The following CDH23 variants were observed in gnomAD, a reference collection of about 807,000 sequenced individuals.
The protein encoded by CDH23 is cadherin related 23.
In CDH23, 189 loss-of-function variants were observed where a neutral mutation model predicts 317.1. That is an observed-to-expected ratio of 0.60 (90% CI 0.53 to 0.67). The LOEUF is 0.67. CDH23 is among the 30% of genes least tolerant of loss of function. CDH23 has a pLI of 0.00. For missense variants in CDH23, 4,401 were observed against 4,592.4 expected, an observed-to-expected ratio of 0.96 and a Z score of 1.20; for synonymous variants, 1,839 against 1,876.8, an observed-to-expected ratio of 0.98 and a Z score of 0.52.
chr10:71,426,195 CA>C (rs752046351), intron 1 of CDH23, among the ~76,000 whole-genome samples: 13 of 152,158 alleles, frequency 8.5e-5, no homozygotes, highest in Non-Finnish European at 1.5e-4. Flanking sequence ...GGCCCCTGAG[CA>C]AATGGTTTTG....
In CDH23 at chr10:71,759,979, A is replaced by G. The variant is rs1457416752; in HGVS notation, c.4846-17701A>G. 4.6e-5 allele frequency among the ~76,000 whole-genome samples: 4 copies of G among 86,352 alleles called. 1 individual carries two copies. Among genetic ancestry groups the G allele is most frequent in the African/African-American group, 7.0e-5 (2 of 28,408 alleles). The allele number at this position is 86,352 out of a possible 152,430, so 56.7% of individuals were successfully genotyped here. A position where few individuals can be genotyped will look rare whatever the true frequency, so the allele number is the denominator to read the frequency against. ...TACACACACATATATATACACACAC[A>G]CATATATATACACACACACATACAT... On this transcript the variant is annotated intron_variant, in intron 38 of 69. Transcript: ENST00000224721.
chr10:71,784,809 C>T (rs773508665), intron 42 of CDH23, 82 bp from the exon 43 acceptor site: 2 of 1,136,474 alleles, frequency 1.8e-6, no homozygotes, highest in East Asian at 4.8e-5. Context: ...CCATGCCGCC[C>T]TTGGCGAACC....
rs1410108291 is a variant in CDH23, at chr10:71,732,122, C to T, written c.3851C>T (p.Ser1284Leu). 3.7e-6 allele frequency: 6 copies of T among 1,613,890 alleles called. No individual in the cohort carries two copies. Among genetic ancestry groups the T allele is most frequent in the East Asian group, 2.2e-5 (1 of 44,896 alleles). ...AAGACCAGCTACATGATGAATGTGT[C>T]GGCCACTGACCAGGCCCCGCCCTTC... ...ETKTSYMMNV[S>L]ATDQAPPFNQ... The change falls in exon 32 of 70, where the codon TCG becomes TTG. Residue 1284 changes from serine to leucine, a missense_variant. Physicochemically the swap from Ser to Leu is moderately radical, Grantham distance 145. This residue lies in a region of CDH23 where 3,068 missense variants were observed against 3,203.3 expected (regional missense o/e 0.96). Coordinates refer to ENST00000224721, the MANE Select transcript of CDH23 (RefSeq NM_022124.6).
intron 28 of CDH23, among the ~76,000 whole-genome samples, chr10:71,720,420 AACACACAC>A (rs57346519): frequency 4.8e-5 from 7 of 145,750 alleles, no homozygotes; most frequent in South Asian, 2.2e-4. Context: ...CTCTTTCCAA[AACACACAC>A]ACACACACAC....
rs540139281 is a variant in CDH23, at chr10:71,815,206, C to A, written c.9993C>A (p.Ser3331=). ...TCGAGCGCAACGCCCGCACAGAATC[C>A]GCCAAATCCACACCCCTGCACAAAC... ...TAFERNARTE[S]AKSTPLHKLR... Residue 3331 remains serine, a synonymous_variant, in exon 70 of 70, where the codon TCC becomes TCA. Transcript: ENST00000224721. 11 of 1,605,830 alleles carry A rather than the reference C, an allele frequency of 6.9e-6. No homozygotes were observed. The highest frequency in any genetic ancestry group is 8.5e-6 in the Non-Finnish European group (10 of 1,174,248).
chr10:71,646,404 G>C, intron 13 of CDH23, 55 bp from the exon 14 acceptor site: 1 of 1,596,920 alleles, frequency 6.3e-7, no homozygotes, highest in South Asian at 1.1e-5. Flanking sequence ...CAGGGACAAG[G>C]ACTCTGGGAG....
At chr10:71,425,186 G>A (rs954980589) in intron 1 of CDH23, among the ~76,000 whole-genome samples, 1 of 147,798 alleles carries the variant, frequency 6.8e-6, no homozygotes, top group African/African-American at 2.5e-5. Context: ...GGTGGAAGGG[G>A]AGGAAACCGG....
At chr10:71,527,917 C>G (rs1255209141) in intron 6 of CDH23, among the ~76,000 whole-genome samples, 1 of 152,160 alleles carries the variant, frequency 6.6e-6, no homozygotes, top group Non-Finnish European at 1.5e-5. Context: ...GAGCAGACCT[C>G]ACCTCCCTGG....
intron 14 of CDH23, among the ~76,000 whole-genome samples, chr10:71,663,979 C>T (rs962859176): frequency 1.2e-4 from 18 of 147,892 alleles, no homozygotes; most frequent in African/African-American, 4.6e-4. Context: ...CCAGCCTCGG[C>T]GACAGAGTGA....
chr10:71,761,986 C>G (rs752528406), intron 38 of CDH23: 3 of 1,612,892 alleles, frequency 1.9e-6, no homozygotes, highest in Middle Eastern at 1.6e-4. Flanking sequence ...GACAGACATA[C>G]AGGGAATACG....
chr10:71,620,471 C>A (rs77488144), intron 11 of CDH23, among the ~76,000 whole-genome samples: 4,178 of 152,300 alleles, frequency 0.027, 219 homozygotes, highest in African/African-American at 0.095. Context: ...CCTGACACCT[C>A]CGATTTTATC....
At chr10:71,666,728 GC>G (rs1314516035) in intron 14 of CDH23, among the ~76,000 whole-genome samples, 1 of 152,158 alleles carries the variant, frequency 6.6e-6, no homozygotes, top group African/African-American at 2.4e-5. Context: ...GGCCTCGGGG[GC>G]CCCAGCAGGC....
intron 3 of CDH23, among the ~76,000 whole-genome samples, chr10:71,470,539 G>A (rs1383030199): frequency 1.8e-4 from 27 of 151,734 alleles, no homozygotes; most frequent in Admixed American, 1.8e-3. Flanking sequence ...ACCCAGGCTG[G>A]AGTGCAGTAG....
chr10:71,546,181 A>G (rs1564644831), intron 6 of CDH23, among the ~76,000 whole-genome samples: 1 of 152,028 alleles, frequency 6.6e-6, no homozygotes, highest in East Asian at 1.9e-4. Context: ...CCGCCTCTCC[A>G]GTGCTGGTCA....
intron 41 of CDH23, among the ~76,000 whole-genome samples, chr10:71,781,169 G>A (rs1158734199): frequency 2.6e-5 from 4 of 152,284 alleles, no homozygotes; most frequent in South Asian, 4.1e-4. Context: ...AGAGCGGTGC[G>A]AAGATTCAAC....
intron 29 of CDH23, among the ~76,000 whole-genome samples, chr10:71,724,735 G>C (rs1344682039): frequency 6.6e-6 from 1 of 152,250 alleles, no homozygotes; most frequent in Non-Finnish European, 1.5e-5. Flanking sequence ...GGTCTCATTG[G>C]TCCAATCAGA....
intron 6 of CDH23, among the ~76,000 whole-genome samples, chr10:71,553,202 C>T (rs572127153): frequency 5.0e-4 from 76 of 152,292 alleles, no homozygotes; most frequent in Non-Finnish European, 9.0e-4. Flanking sequence ...ATCATTCGGT[C>T]CTTCTTCACT....
intron 15 of CDH23, 114 bp downstream of exon 15, chr10:71,675,290 G>GC: frequency 1.2e-6 from 1 of 852,154 alleles, no homozygotes; most frequent in Non-Finnish European, 1.9e-6. Flanking sequence ...TGGGTCCTGT[G>GC]GCTAGAGCAC....
At chr10:71,766,559 ATCTT>A (rs1840549979) in intron 38 of CDH23, among the ~76,000 whole-genome samples, 1 of 152,178 alleles carries the variant, frequency 6.6e-6, no homozygotes, top group Non-Finnish European at 1.5e-5. Context: ...CCGTTTCTTC[ATCTT>A]AACCTGAGGG....
Sources: gnomAD v4.1 joint callset for allele counts (sites outside exome capture counted in the v4.1 genomes callset) on GRCh38, gnomAD v4.1.1 for gene constraint, gnomAD v4.1.1 regional missense constraint, MANE v1.5 for transcripts, NCBI Gene and HGNC (gene_info 2026-07-23, HGNC 2026-07-21) for gene names.